The following PCSK2 variants were observed in gnomAD, a reference collection of about 807,000 sequenced individuals.
PCSK2 encodes the protein proprotein convertase subtilisin/kexin type 2.
Under a neutral mutation model 69.7 loss-of-function variants are expected in PCSK2, and 14 were observed. The observed-to-expected ratio is 0.20, with a 90% CI of 0.13 to 0.31. The LOEUF is 0.31. Ranked by LOEUF, PCSK2 falls within the 10% of genes least tolerant of loss-of-function variation. The pLI, the probability that PCSK2 is intolerant of heterozygous loss-of-function variation, is 1.00. For synonymous variants in PCSK2, 307 were observed against 320.7 expected (o/e 0.96, Z 0.46); for missense variants, 544 against 842.5 (o/e 0.65, Z 4.39).
intron 2 of PCSK2, among the ~76,000 whole-genome samples, chr20:17,282,026 C>T (rs1479455337): frequency 6.6e-6 from 1 of 152,100 alleles, no homozygotes; most frequent in African/African-American, 2.4e-5. Context: ...CAGTTCTCTC[C>T]TACCCTGGAA....
At chr20:17,253,435 C>G (rs1397177593) in intron 1 of PCSK2, among the ~76,000 whole-genome samples, 1 of 152,166 alleles carries the variant, frequency 6.6e-6, no homozygotes, top group Non-Finnish European at 1.5e-5. Flanking sequence ...CTATTCTGGA[C>G]ATTTCATATA....
intron 2 of PCSK2, among the ~76,000 whole-genome samples, chr20:17,284,747 G>A (rs914159075): frequency 6.6e-6 from 1 of 152,184 alleles, no homozygotes; most frequent in African/African-American, 2.4e-5. Flanking sequence ...ATGAGGAAGA[G>A]GGAGGGAAAA....
chr20:17,347,793 A>AAAGG (rs1401289165), intron 2 of PCSK2, among the ~76,000 whole-genome samples: 23 of 45,030 alleles, frequency 5.1e-4, no homozygotes, highest in Non-Finnish European at 2.9e-4. Context: ...TAGACGAAAG[A>AAAGG]AAGAAAGAAA....
intron 1 of PCSK2, among the ~76,000 whole-genome samples, chr20:17,250,181 C>T (rs994354948): frequency 2.6e-5 from 4 of 151,966 alleles, no homozygotes; most frequent in Non-Finnish European, 4.4e-5. Flanking sequence ...TCCAGTTGTC[C>T]CACTAGTGTC....
chr20:17,253,176 C>A (rs1987055712), intron 1 of PCSK2, among the ~76,000 whole-genome samples: 4 of 152,128 alleles, frequency 2.6e-5, no homozygotes, highest in Admixed American at 1.3e-4. Context: ...CAAAGCTGTT[C>A]ATCATAGCAT....
upstream of PCSK2, chr20:17,226,246 A>T (rs1985894419): frequency 6.6e-6 from 1 of 152,250 alleles, no homozygotes; most frequent in South Asian, 2.1e-4. Flanking sequence ...AGCCTCCTCC[A>T]GTCACCATCG....
chr20:17,426,856 G>T (rs2032258643), intron 6 of PCSK2, among the ~76,000 whole-genome samples: 1 of 152,244 alleles, frequency 6.6e-6, no homozygotes, highest in Non-Finnish European at 1.5e-5. Context: ...AAATTGAAAT[G>T]TGAGTCTCAT....
intron 2 of PCSK2, among the ~76,000 whole-genome samples, chr20:17,299,385 C>A (rs1468892201): frequency 6.6e-6 from 1 of 152,068 alleles, no homozygotes; most frequent in African/African-American, 2.4e-5. Flanking sequence ...TCTTTTCTTA[C>A]CCTAAATTTT....
rs187787759 is a variant in PCSK2 at position 17,311,155 on chromosome 20, C to T, written c.283-47172C>T. On this transcript the variant is annotated intron_variant, in intron 2 of 11. Transcript: ENST00000262545. Reference sequence around the variant, plus strand: ...AACCTCCTTGGACACCCTCCATTTTCATGTCTGTGTATAAATTGAACAAGA... The same window carrying T: ...AACCTCCTTGGACACCCTCCATTTTTATGTCTGTGTATAAATTGAACAAGA... Among the ~76,000 whole-genome samples, 16 of 152,220 alleles carry T rather than the reference C, an allele frequency of 1.1e-4. No homozygotes were observed. In the East Asian group the frequency reaches 3.1e-3, roughly 29 times the overall value.
chr20:17,465,323 C>T lies in PCSK2; in HGVS notation c.1203-3C>T, dbSNP rs376880747. On this transcript the variant is annotated splice_region_variant and splice_polypyrimidine_tract_variant and intron_variant, in intron 10 of 11. Coordinates refer to ENST00000262545, the MANE Select transcript of PCSK2 (RefSeq NM_002594.5). Reference sequence around the variant, plus strand: ...CCTCTTGCTCTCTGCTTCCTGTATCCAGCCTGGGTCTGACCTGGCGGGACA... The same window carrying T: ...CCTCTTGCTCTCTGCTTCCTGTATCTAGCCTGGGTCTGACCTGGCGGGACA... 1.2e-5 allele frequency: 20 copies of T among 1,612,742 alleles called. No individual in the cohort carries two copies. The highest frequency in any genetic ancestry group is 4.0e-5 in the African/African-American group (3 of 74,878).
In PCSK2 at chr20:17,380,892, G is replaced by T. The variant is rs567440540; in HGVS notation, c.543+11615G>T. On this transcript the variant is annotated intron_variant, in intron 5 of 11. Transcript: ENST00000262545. ...GCTAACAACTAGTGTGTTATTCTAA[G>T]TTTTCTTTCCACTTTCTTGCTTCCC... 3.9e-5 allele frequency among the ~76,000 whole-genome samples: 6 copies of T among 152,288 alleles called. No homozygotes were observed. The South Asian group carries it at 1.0e-3, about 26-fold the overall frequency.
chr20:17,263,567 C>T (rs1934886), intron 2 of PCSK2, among the ~76,000 whole-genome samples: 199 of 152,134 alleles, frequency 1.3e-3, no homozygotes, highest in African/African-American at 4.5e-3. Context: ...ATAGTATTGC[C>T]CTTCTCATTT....
intron 2 of PCSK2, among the ~76,000 whole-genome samples, chr20:17,297,592 T>A (rs1312192383): frequency 6.6e-6 from 1 of 152,248 alleles, no homozygotes; most frequent in Admixed American, 6.5e-5. Flanking sequence ...AGCCCCTCCC[T>A]GGAGCTTGCT....
In PCSK2 at chr20:17,453,156, A is replaced by C. The variant is rs1236694639; in HGVS notation, c.886-586A>C. On this transcript the variant is annotated intron_variant, in intron 8 of 11. Transcript: ENST00000262545. The surrounding 1 kb of genome is among the most constrained non-coding windows in gnomAD (Gnocchi z 4.0). The stretch of plus-strand genomic sequence containing the variant: ...GCACACACACGTAAGATTTTTATAT[A>C]TCATGGAGTAAATGTATGCTTTATA... Among the ~76,000 whole-genome samples, 1 of 152,180 alleles carries C rather than the reference A, an allele frequency of 6.6e-6. No homozygotes were observed. Among genetic ancestry groups the C allele is most frequent in the Non-Finnish European group, 1.5e-5 (1 of 68,030 alleles).
At chr20:17,323,335 C>T (rs1420001426) in intron 2 of PCSK2, among the ~76,000 whole-genome samples, 3 of 152,202 alleles carry the variant, frequency 2.0e-5, no homozygotes, top group African/African-American at 7.2e-5. Context: ...CAGCCATCTG[C>T]AAGCCAAGGA....
At chr20:17,365,534 A>G (rs1362135497) in intron 4 of PCSK2, among the ~76,000 whole-genome samples, 2 of 152,110 alleles carry the variant, frequency 1.3e-5, no homozygotes, top group East Asian at 3.9e-4. Context: ...TTGTTCCAGC[A>G]CCAACATCAA....
chr20:17,314,025 T>C (rs1482173816), intron 2 of PCSK2, among the ~76,000 whole-genome samples: 1 of 151,996 alleles, frequency 6.6e-6, no homozygotes, highest in Non-Finnish European at 1.5e-5. Flanking sequence ...CAGGAGAAAA[T>C]AGACCTCAAC....
In PCSK2 at chr20:17,484,170, T is replaced by C. The variant is rs929925506; in HGVS notation, c.*2100T>C. On this transcript the variant is annotated 3_prime_UTR_variant, in exon 12 of 12. Transcript: ENST00000262545. Reference sequence around the variant, plus strand: ...CAGCTCTCTGTATAAACATTAAATGTCTTATATAGCAGCAAAAATATAAAA... The same window carrying C: ...CAGCTCTCTGTATAAACATTAAATGCCTTATATAGCAGCAAAAATATAAAA... 10 of 152,304 alleles carry C rather than the reference T, an allele frequency of 6.6e-5. No individual in the cohort carries two copies. The highest frequency in any genetic ancestry group is 1.0e-4 in the Non-Finnish European group (7 of 68,016). 9.4% of individuals were successfully genotyped at this position (152,304 alleles called of 1,614,324 possible). A position where few individuals can be genotyped will look rare whatever the true frequency, so the allele number is the denominator to read the frequency against.
intron 7 of PCSK2, among the ~76,000 whole-genome samples, chr20:17,432,938 T>A (rs536122031): frequency 6.6e-6 from 1 of 152,172 alleles, no homozygotes; most frequent in Non-Finnish European, 1.5e-5. Context: ...TAACAACTCA[T>A]GAAAGAGGAC....
Sources: allele counts gnomAD v4.1 joint callset (sites outside exome capture counted in the v4.1 genomes callset), GRCh38; gene constraint gnomAD v4.1.1; non-coding constraint Gnocchi (gnomAD v3.1); transcripts MANE v1.5; gene names NCBI Gene and HGNC (gene_info 2026-07-23, HGNC 2026-07-21).